Variants in GPBP1 observed in about 807,000 individuals in gnomAD.
The protein encoded by GPBP1 is vasculin.
A neutral mutation model predicts 56.5 loss-of-function variants in GPBP1; 13 were observed. That is an observed-to-expected ratio of 0.23 (90% CI 0.15 to 0.37). The LOEUF (loss-of-function observed/expected upper bound fraction) is 0.37, where lower values mean the gene tolerates loss of function less well. Among genes scored for constraint, GPBP1 ranks in the 10% least tolerant of loss-of-function variants. GPBP1 has a pLI of 1.00. For synonymous variants in GPBP1, 204 were observed against 188.9 expected (o/e 1.08, Z -0.66); for missense variants, 477 against 572.3 (o/e 0.83, Z 1.70).
At position 57,246,292 on chromosome 5, in the gene GPBP1, T is replaced by C. The variant is rs1355670324; in HGVS notation, c.479-8T>C. On this transcript the variant is annotated splice_region_variant and splice_polypyrimidine_tract_variant and intron_variant, in intron 6 of 11. Transcript: ENST00000506184. ...TGAGTGACTCTTGGTCATGCTTTAT[T>C]TATGCAGAATATCCTCCGAATCCTA... 6.2e-7 allele frequency: 1 copy of C among 1,605,304 alleles called. No individual in the cohort carries two copies. Among genetic ancestry groups the C allele is most frequent in the South Asian group, 1.1e-5 (1 of 90,318 alleles).
chr5:57,200,374 T>A (rs1022050073), intron 2 of GPBP1, among the ~76,000 whole-genome samples: 1 of 141,380 alleles, frequency 7.1e-6, no homozygotes, highest in African/African-American at 2.6e-5. Context: ...TTTTTTTTTT[T>A]TTTTTTTTTT....
chr5:57,197,666 A>T (rs993805339), intron 2 of GPBP1, among the ~76,000 whole-genome samples: 2 of 144,200 alleles, frequency 1.4e-5, no homozygotes, highest in Admixed American at 7.2e-5. Context: ...GCCTGCTTCA[A>T]TTTTTTTTGC....
At chr5:57,231,462 A>G (rs1247961621) in intron 5 of GPBP1, 141 bp downstream of exon 5, 2 of 700,082 alleles carry the variant, frequency 2.9e-6, no homozygotes, top group Non-Finnish European at 4.7e-6. Context: ...TTGTAGAGAC[A>G]GGGTTTCACC....
Position 57,231,264 on chromosome 5 carries a change from T to G in GPBP1, c.354T>G (p.Asn118Lys), listed in dbSNP as rs568587044. ...TACATGAAAACAACATACCTGACAATGAAACCGGGAGGAAAGAAGACAAGA... is the reference window on the plus strand; with the variant it reads ...TACATGAAAACAACATACCTGACAAGGAAACCGGGAGGAAAGAAGACAAGA... ...QGLHENNIPDNETGRKEDKRE... is the reference protein window; with the variant it reads ...QGLHENNIPDKETGRKEDKRE... The change falls in exon 5 of 12, where the codon AAT (asparagine) becomes AAG (lysine). Residue 118 changes from asparagine (N) to lysine (K), a missense_variant. By Grantham distance (94) the Asn-to-Lys change is moderately conservative. This residue lies in a region of GPBP1 where 414 missense variants were observed against 458.2 expected (regional missense o/e 0.90). Coordinates refer to ENST00000506184, the MANE Select transcript of GPBP1 (RefSeq NM_022913.4). 9 of 1,613,928 alleles carry G rather than the reference T, an allele frequency of 5.6e-6. No homozygotes were observed. Among genetic ancestry groups the G allele is most frequent in the Non-Finnish European group, 5.9e-6 (7 of 1,179,988 alleles).
intron 9 of GPBP1, among the ~76,000 whole-genome samples, chr5:57,250,549 T>G (rs1741332095): frequency 7.9e-6 from 1 of 126,604 alleles, no homozygotes; most frequent in African/African-American, 3.2e-5. Context: ...TGGTTGTTGG[T>G]TTTTTTTTTT....
chr5:57,179,596 TGTTTTTTTGG>T (rs1470096921), intron 2 of GPBP1, among the ~76,000 whole-genome samples: 2 of 152,194 alleles, frequency 1.3e-5, no homozygotes, highest in African/African-American at 2.4e-5. Context: ...TTTTTTTTGT[TGTTTTTTTGG>T]GTTTTTTTGA....
chr5:57,258,026 TCTAATC>T (rs1279505766), intron 10 of GPBP1, among the ~76,000 whole-genome samples: 3 of 152,182 alleles, frequency 2.0e-5, no homozygotes, highest in African/African-American at 7.2e-5. Context: ...TCTTCTAACT[TCTAATC>T]CTAGATTTTC....
At chr5:57,210,300 G>A (rs931269077) in intron 2 of GPBP1, among the ~76,000 whole-genome samples, 5 of 151,992 alleles carry the variant, frequency 3.3e-5, no homozygotes, top group Admixed American at 1.3e-4. Context: ...CATGGATGTC[G>A]TGAATAAATT....
At chr5:57,225,491 CAAAAAAA>C (rs554699501) in intron 3 of GPBP1, among the ~76,000 whole-genome samples, 3 of 38,136 alleles carry the variant, frequency 7.9e-5, no homozygotes, top group East Asian at 1.2e-3. Context: ...GATTCCTTCT[CAAAAAAA>C]AAAAAAAAAA....
chr5:57,183,483 G>A (rs953277853), intron 2 of GPBP1, among the ~76,000 whole-genome samples: 6 of 152,098 alleles, frequency 3.9e-5, no homozygotes, highest in South Asian at 2.1e-4. Flanking sequence ...TCCAGCACAG[G>A]AAATTTAGAA....
intron 2 of GPBP1, among the ~76,000 whole-genome samples, chr5:57,178,398 C>T (rs1413465358): frequency 2.0e-5 from 3 of 152,096 alleles, no homozygotes; most frequent in Admixed American, 1.3e-4. Context: ...GTGCCCGCCA[C>T]CACGCCCAGC....
chr5:57,199,765 G>C (rs1254342066), intron 2 of GPBP1, among the ~76,000 whole-genome samples: 1 of 151,936 alleles, frequency 6.6e-6, no homozygotes, highest in Non-Finnish European at 1.5e-5. Context: ...TACTTCCCTT[G>C]CCTGCTGGAT....
Position 57,237,602 on chromosome 5 carries a change from G to C in GPBP1, c.478+1570G>C, listed in dbSNP as rs187173709. ...AAAAGAAAATGGTTAATTGTGGAAT[G>C]GTTAATTGTTAAATTCCCAGTACTT... is the stretch of plus-strand genomic sequence containing the variant. On this transcript the variant is annotated intron_variant, in intron 6 of 11. Coordinates refer to ENST00000506184, the MANE Select transcript of GPBP1 (RefSeq NM_022913.4). The C allele has an allele frequency of 3.9e-3, 630 of 163,456 alleles. 1 individual carries two copies. Among genetic ancestry groups the C allele is most frequent in the Non-Finnish European group, 6.4e-3 (476 of 74,184 alleles). 10.1% of individuals were successfully genotyped at this position (163,456 alleles called of 1,614,324 possible).
intron 2 of GPBP1, among the ~76,000 whole-genome samples, chr5:57,183,974 C>T (rs1284996289): frequency 1.3e-5 from 2 of 151,966 alleles, no homozygotes; most frequent in Non-Finnish European, 2.9e-5. Flanking sequence ...GGGCTTCTGC[C>T]ATGTCTCAGA....
At chr5:57,237,015 A>AGGGTGG in intron 6 of GPBP1, 2 of 504,150 alleles carry the variant, frequency 4.0e-6, no homozygotes. Flanking sequence ...GGGCTTTTTG[A>AGGGTGG]GGGTGGGGGT....
chr5:57,232,772 TC>T (rs1756513946), intron 5 of GPBP1, among the ~76,000 whole-genome samples: 1 of 152,194 alleles, frequency 6.6e-6, no homozygotes, highest in Admixed American at 6.6e-5. Context: ...GGCGAGTGTG[TC>T]CTTTCTGCAG....
chr5:57,228,309 G>A (rs1032900445), intron 3 of GPBP1, among the ~76,000 whole-genome samples: 2 of 152,094 alleles, frequency 1.3e-5, no homozygotes, highest in African/African-American at 4.8e-5. Flanking sequence ...ACAAAAATTA[G>A]CCAGGTGTGG....
chr5:57,207,579 T>G (rs1440587817), intron 2 of GPBP1, among the ~76,000 whole-genome samples: 1 of 152,194 alleles, frequency 6.6e-6, no homozygotes, highest in African/African-American at 2.4e-5. Flanking sequence ...GCGGCTTGTG[T>G]TAGCTCAGTT....
chr5:57,207,518 G>T (rs1488547803), intron 2 of GPBP1, among the ~76,000 whole-genome samples: 1 of 152,180 alleles, frequency 6.6e-6, no homozygotes, highest in Non-Finnish European at 1.5e-5. Context: ...AGCTCCTGAA[G>T]CCCCAGTGGG....
Sources: allele counts gnomAD v4.1 joint callset (sites outside exome capture counted in the v4.1 genomes callset), GRCh38; gene constraint gnomAD v4.1.1; regional missense constraint gnomAD v4.1.1; transcripts MANE v1.5; gene names NCBI Gene and HGNC (gene_info 2026-07-23, HGNC 2026-07-21).